ITGBL1: variants seen among roughly 807,000 people sequenced by gnomAD.
ITGBL1 encodes integrin subunit beta like 1.
A neutral mutation model predicts 68.5 loss-of-function variants in ITGBL1; 51 were observed. The ratio of observed to expected loss-of-function variants is 0.74; its 90% confidence interval spans 0.59 to 0.94. The LOEUF is 0.94. ITGBL1 is among the 40% of genes least tolerant of loss of function. ITGBL1 has a pLI of 0.00. For synonymous variants in ITGBL1, 209 were observed against 227.3 expected (o/e 0.92, Z 0.72); for missense variants, 649 against 647.4 (o/e 1.00, Z -0.03).
At chr13:101,488,331 G>T (rs1426317665) in intron 2 of ITGBL1, among the ~76,000 whole-genome samples, 1 of 152,156 alleles carries the variant, frequency 6.6e-6, no homozygotes, top group Non-Finnish European at 1.5e-5. Flanking sequence ...ACATTTAACT[G>T]ACTCTCTATA....
At chr13:101,635,709 A>G (rs1348494309) in intron 7 of ITGBL1, among the ~76,000 whole-genome samples, 3 of 152,088 alleles carry the variant, frequency 2.0e-5, no homozygotes, top group Non-Finnish European at 4.4e-5. Context: ...TCACTCCAGT[A>G]ACTAATGTAG....
intron 2 of ITGBL1, among the ~76,000 whole-genome samples, chr13:101,560,927 G>C (rs2050089537): frequency 6.6e-6 from 1 of 152,138 alleles, no homozygotes. Flanking sequence ...TAGGGATGTA[G>C]AAAGTTACAA....
At chr13:101,527,546 T>C (rs888771684) in intron 2 of ITGBL1, among the ~76,000 whole-genome samples, 2 of 152,128 alleles carry the variant, frequency 1.3e-5, no homozygotes, top group Non-Finnish European at 1.5e-5. Context: ...TAAGTTTTCA[T>C]GTAGGCATGT....
At chr13:101,631,206 C>G (rs866397009) in intron 7 of ITGBL1, among the ~76,000 whole-genome samples, 3 of 152,114 alleles carry the variant, frequency 2.0e-5, no homozygotes, top group Non-Finnish European at 4.4e-5. Context: ...CATATTTGAT[C>G]GCAAATGGTT....
chr13:101,566,628 C>T (rs2050187387), intron 2 of ITGBL1, among the ~76,000 whole-genome samples: 2 of 152,152 alleles, frequency 1.3e-5, no homozygotes, highest in Non-Finnish European at 2.9e-5. Flanking sequence ...GGGCAGCCTC[C>T]AAGCCATTCA....
chr13:101,697,018 T>C (rs2034018490), intron 8 of ITGBL1, among the ~76,000 whole-genome samples: 1 of 149,166 alleles, frequency 6.7e-6, no homozygotes, highest in South Asian at 2.2e-4. Flanking sequence ...TTATTAGATA[T>C]TGAAGGAAAA....
intron 7 of ITGBL1, among the ~76,000 whole-genome samples, chr13:101,600,246 G>T (rs373266769): frequency 1.4e-5 from 2 of 147,364 alleles, no homozygotes; most frequent in African/African-American, 2.5e-5. Flanking sequence ...TTTGTCTGTT[G>T]TTGGTGTATA....
intron 7 of ITGBL1, among the ~76,000 whole-genome samples, chr13:101,612,570 T>TG (rs1555362283): frequency 6.7e-6 from 1 of 149,496 alleles, no homozygotes; most frequent in Non-Finnish European, 1.5e-5. Context: ...AATGTAATTA[T>TG]AAAAAAAAAG....
intron 2 of ITGBL1, among the ~76,000 whole-genome samples, chr13:101,498,950 C>T (rs1191401795): frequency 6.6e-6 from 1 of 152,082 alleles, no homozygotes; most frequent in African/African-American, 2.4e-5. Flanking sequence ...GAACCAAGCC[C>T]CTTATAAAAC....
chr13:101,606,174 T>TTATATA lies in ITGBL1; in HGVS notation c.1015+7888_1015+7893dup, dbSNP rs4000927. 2.0e-3 allele frequency among the ~76,000 whole-genome samples: 279 copies of TTATATA among 138,048 alleles called. 2 individuals are homozygous for TTATATA. The highest frequency in any genetic ancestry group is 5.7e-3 in the African/African-American group (212 of 37,236). 90.6% of individuals were successfully genotyped at this position (138,048 alleles called of 152,430 possible). A position where few individuals can be genotyped will look rare whatever the true frequency, so the allele number is the denominator to read the frequency against. On this transcript the variant is annotated intron_variant, in intron 7 of 10. Coordinates refer to ENST00000376180, the MANE Select transcript of ITGBL1 (RefSeq NM_004791.3). ...ACTTCAGTATATTCTATTAGGATTT[T>TTATATA]TATATATATATATATATAGCCTTAT...
intron 7 of ITGBL1, among the ~76,000 whole-genome samples, chr13:101,640,221 T>C (rs2032316866): frequency 6.6e-6 from 1 of 152,206 alleles, no homozygotes; most frequent in South Asian, 2.1e-4. Context: ...GTTCAACTTA[T>C]TACTTGTTTA....
chr13:101,666,155 A>G (rs1397511188), intron 7 of ITGBL1, among the ~76,000 whole-genome samples: 3 of 152,116 alleles, frequency 2.0e-5, no homozygotes, highest in Non-Finnish European at 4.4e-5. Flanking sequence ...ATTAAGACTG[A>G]CATAATCTGG....
intron 7 of ITGBL1, among the ~76,000 whole-genome samples, chr13:101,627,353 C>T (rs752729272): frequency 1.1e-4 from 17 of 151,942 alleles, no homozygotes; most frequent in Non-Finnish European, 2.2e-4. Context: ...CAGGGAGATC[C>T]CATATACTCC....
chr13:101,474,736 A>T (rs866654655), intron 2 of ITGBL1, among the ~76,000 whole-genome samples: 1 of 152,134 alleles, frequency 6.6e-6, no homozygotes. Context: ...AAGAGAGACT[A>T]CATTTGTTTG....
At chr13:101,533,878 G>T (rs1236100733) in intron 2 of ITGBL1, among the ~76,000 whole-genome samples, 1 of 152,094 alleles carries the variant, frequency 6.6e-6, no homozygotes, top group Non-Finnish European at 1.5e-5. Context: ...TGAAATCAAA[G>T]AAGATTAAAT....
At chr13:101,502,186 A>G (rs1435335218) in intron 2 of ITGBL1, among the ~76,000 whole-genome samples, 1 of 152,224 alleles carries the variant, frequency 6.6e-6, no homozygotes, top group Non-Finnish European at 1.5e-5. Context: ...TATGCACATT[A>G]TTATTTTTTA....
chr13:101,459,552 G>T (rs1237392682), intron 2 of ITGBL1, among the ~76,000 whole-genome samples: 6 of 152,046 alleles, frequency 3.9e-5, no homozygotes, highest in Non-Finnish European at 8.8e-5. Flanking sequence ...AGACCAGCCT[G>T]GGGAACATGG....
intron 7 of ITGBL1, among the ~76,000 whole-genome samples, chr13:101,669,612 C>A (rs2033310164): frequency 6.6e-6 from 1 of 152,110 alleles, no homozygotes; most frequent in Non-Finnish European, 1.5e-5. Flanking sequence ...ACACAGTTTT[C>A]TTGGATTATT....
intron 7 of ITGBL1, among the ~76,000 whole-genome samples, chr13:101,628,771 TC>T (rs1407515737): frequency 1.3e-5 from 2 of 151,828 alleles, no homozygotes; most frequent in African/African-American, 4.8e-5. Context: ...TTTTACATGA[TC>T]TAGTATATGA....
Sources: gnomAD v4.1 joint callset for allele counts (sites outside exome capture counted in the v4.1 genomes callset) on GRCh38, gnomAD v4.1.1 for gene constraint, MANE v1.5 for transcripts, NCBI Gene and HGNC (gene_info 2026-07-23, HGNC 2026-07-21) for gene names.